Variants in SPATA12 observed in about 807,000 individuals in gnomAD.
SPATA12 encodes spermatogenesis associated 12.
For missense variants in SPATA12, 219 were observed against 226.4 expected, an observed-to-expected ratio of 0.97 and a Z score of 0.21; for synonymous variants, 85 against 89.2, an observed-to-expected ratio of 0.95 and a Z score of 0.26.
At chr3:57,065,160 AT>A (rs1460548317) in intron 1 of SPATA12, among the ~76,000 whole-genome samples, 43 of 152,194 alleles carry the variant, frequency 2.8e-4, no homozygotes, top group Non-Finnish European at 5.7e-4. Context: ...AAATGTTGAA[AT>A]TACTTGCAAA....
At chr3:57,069,376 A>AAAAC (rs1553821329) in intron 1 of SPATA12, among the ~76,000 whole-genome samples, 2 of 146,362 alleles carry the variant, frequency 1.4e-5, no homozygotes, top group Admixed American at 1.4e-4. Context: ...CTGTCTCTCA[A>AAAAC]ACACACACAC....
chr3:57,063,077 A>G (rs1409899946), intron 1 of SPATA12, among the ~76,000 whole-genome samples: 1 of 152,250 alleles, frequency 6.6e-6, no homozygotes, highest in Non-Finnish European at 1.5e-5. Flanking sequence ...CACGATGACC[A>G]GGGAAGGCTG....
chr3:57,063,631 A>C (rs1184482457), intron 1 of SPATA12, among the ~76,000 whole-genome samples: 2 of 152,174 alleles, frequency 1.3e-5, no homozygotes, highest in Non-Finnish European at 2.9e-5. Flanking sequence ...TGGGAAGAGG[A>C]TCAGGAGAGT....
chr3:57,068,987 T>C lies in SPATA12; in HGVS notation c.-329-4379T>C, dbSNP rs574987932. On this transcript the variant is annotated intron_variant, in intron 1 of 1. Transcript: ENST00000334325. ...CCCAAGCTGGAGTGCTATGACGTGA[T>C]CTTGGCTCACCGTAACCTCTGCCTC... 1.0e-3 allele frequency among the ~76,000 whole-genome samples: 156 copies of C among 151,500 alleles called. 1 individual carries two copies. Among genetic ancestry groups the C allele is most frequent in the Non-Finnish European group, 1.6e-3 (107 of 67,922 alleles).
chr3:57,064,162 C>T (rs947845443), intron 1 of SPATA12, among the ~76,000 whole-genome samples: 1 of 151,976 alleles, frequency 6.6e-6, no homozygotes, highest in African/African-American at 2.4e-5. Flanking sequence ...CCAGCTAACC[C>T]GGAAGCTGAG....
chr3:57,065,759 C>A (rs57819893), intron 1 of SPATA12, among the ~76,000 whole-genome samples: 3 of 152,150 alleles, frequency 2.0e-5, no homozygotes, highest in Admixed American at 2.0e-4. Flanking sequence ...TGGTAGCCTG[C>A]GGAACAGGAG....
chr3:57,066,715 A>G (rs1705559601), intron 1 of SPATA12, among the ~76,000 whole-genome samples: 1 of 152,244 alleles, frequency 6.6e-6, no homozygotes, highest in Non-Finnish European at 1.5e-5. Context: ...AGATGAGATT[A>G]ACATTTAAAT....
rs561357432 is a variant in SPATA12 at position 57,068,150 on chromosome 3, T to C, written c.-329-5216T>C. The stretch of plus-strand genomic sequence containing the variant: ...CTATTGTTTCACCAAATAATTCAGA[T>C]ATGCGCGCACACACACATACACACA... On this transcript the variant is annotated intron_variant, in intron 1 of 1. Coordinates refer to ENST00000334325, the MANE Select transcript of SPATA12 (RefSeq NM_181727.2). Among the ~76,000 whole-genome samples, 3 of 113,148 alleles carry C rather than the reference T, an allele frequency of 2.7e-5. No individual in the cohort carries two copies. In the South Asian group the frequency reaches 9.3e-4, roughly 35 times the overall value. The allele number at this position is 113,148 out of a possible 152,430, so 74.2% of individuals were successfully genotyped here. A position where few individuals can be genotyped will look rare whatever the true frequency, so the allele number is the denominator to read the frequency against.
intron 1 of SPATA12, among the ~76,000 whole-genome samples, chr3:57,065,050 G>A (rs1395290164): frequency 1.3e-5 from 2 of 152,364 alleles, no homozygotes; most frequent in African/African-American, 4.8e-5. Context: ...TATAACTGTA[G>A]GGAGAAGTAG....
At chr3:57,062,892 T>C (rs371546447) in intron 1 of SPATA12, among the ~76,000 whole-genome samples, 1 of 152,192 alleles carries the variant, frequency 6.6e-6, no homozygotes, top group East Asian at 1.9e-4. Flanking sequence ...ACTGGGGACA[T>C]GACAGGGAAC....
intron 1 of SPATA12, among the ~76,000 whole-genome samples, chr3:57,070,521 T>C (rs1335403559): frequency 6.6e-6 from 1 of 152,152 alleles, no homozygotes; most frequent in Non-Finnish European, 1.5e-5. Context: ...GTTCCACAGT[T>C]AATATTGTTA....
intron 1 of SPATA12, among the ~76,000 whole-genome samples, chr3:57,063,503 C>G (rs1705350996): frequency 6.6e-6 from 1 of 152,046 alleles, no homozygotes; most frequent in Non-Finnish European, 1.5e-5. Flanking sequence ...GAGCAGTGGC[C>G]ACTCTACAAG....
intron 1 of SPATA12, among the ~76,000 whole-genome samples, chr3:57,071,292 CCACATA>C (rs1705888183): frequency 6.6e-6 from 1 of 152,136 alleles, no homozygotes; most frequent in South Asian, 2.1e-4. Flanking sequence ...CTACCTCACA[CCACATA>C]CAAACATCAA....
At chr3:57,064,152 C>T (rs916503211) in intron 1 of SPATA12, among the ~76,000 whole-genome samples, 2 of 151,980 alleles carry the variant, frequency 1.3e-5, no homozygotes, top group African/African-American at 4.8e-5. Context: ...GCCTGTAGTC[C>T]CAGCTAACCC....
intron 1 of SPATA12, among the ~76,000 whole-genome samples, chr3:57,065,198 A>G: frequency 6.6e-6 from 1 of 152,206 alleles, no homozygotes; most frequent in Non-Finnish European, 1.5e-5. Flanking sequence ...CTCACGCCTC[A>G]CGCCTGTAAT....
intron 1 of SPATA12, among the ~76,000 whole-genome samples, chr3:57,070,962 ACT>A (rs1463178269): frequency 7.0e-6 from 1 of 142,232 alleles, no homozygotes; most frequent in African/African-American, 2.7e-5. Flanking sequence ...ACAGAGCAAG[ACT>A]CTGTCACAAA....
intron 1 of SPATA12, among the ~76,000 whole-genome samples, chr3:57,065,259 C>T (rs567299215): frequency 1.3e-5 from 2 of 152,214 alleles, no homozygotes; most frequent in South Asian, 4.1e-4. Context: ...GTCAGGAGTT[C>T]GACACCAGCC....
In SPATA12 at chr3:57,074,228, T is replaced by C; in HGVS notation, c.534T>C (p.Ser178=). 2 of 1,614,068 alleles carry C rather than the reference T, an allele frequency of 1.2e-6. No individual in the cohort carries two copies. Among genetic ancestry groups the C allele is most frequent in the Non-Finnish European group, 1.7e-6 (2 of 1,180,034 alleles). The change falls in exon 2 of 2, where the codon TCT becomes TCC. Residue 178 remains serine, a synonymous_variant. Coordinates refer to ENST00000334325, the MANE Select transcript of SPATA12 (RefSeq NM_181727.2). ...FTEGCFVRSL[S]TVYSNTHIHT... is the part of the protein sequence containing the mutation. ...AGGGCTGCTTTGTCAGGTCCCTCTC[T>C]ACAGTATACTCCAACACACACATAC...
intron 1 of SPATA12, among the ~76,000 whole-genome samples, chr3:57,068,922 T>C (rs1190594261): frequency 5.3e-5 from 8 of 151,310 alleles, no homozygotes; most frequent in African/African-American, 1.7e-4. Flanking sequence ...AGATCTGATT[T>C]TTTTTTTTTT....
Sources: allele counts gnomAD v4.1 joint callset (sites outside exome capture counted in the v4.1 genomes callset), GRCh38; gene constraint gnomAD v4.1.1; transcripts MANE v1.5; gene names NCBI Gene and HGNC (gene_info 2026-07-23, HGNC 2026-07-21).